Variants in CCNP observed in about 807,000 individuals in gnomAD.
CCNP encodes the protein cyclin-P.
A neutral mutation model predicts 19.6 loss-of-function variants in CCNP; 18 were observed. The ratio of observed to expected loss-of-function variants is 0.92; its 90% confidence interval spans 0.64 to 1.36. The LOEUF (loss-of-function observed/expected upper bound fraction) is 1.36, where lower values mean the gene tolerates loss of function less well. Among genes scored for constraint, CCNP ranks in the 40% most tolerant of loss-of-function variants. The pLI is 0.00. For synonymous variants in CCNP, 228 were observed against 194.9 expected, an observed-to-expected ratio of 1.17 and a Z score of -1.41; for missense variants, 440 against 424.4, an observed-to-expected ratio of 1.04 and a Z score of -0.32.
rs1395747331 is a variant in CCNP at position 40,223,477 on chromosome 19, T to C, written c.583A>G (p.Ile195Val). 6.2e-7 allele frequency: 1 copy of C among 1,611,192 alleles called. No individual in the cohort carries two copies. Among genetic ancestry groups the C allele is most frequent in the Non-Finnish European group, 8.5e-7 (1 of 1,178,278 alleles). ...RAELLRAERR[I>V]LSRLDFRLHH... ...AGCCGGAAATCCAGGCGGCTCAGGA[T>C]GCGACGCTCGGCGCGCAGCAGCTCC... The change falls in exon 4 of 5, where the codon ATC becomes GTC. Residue 195 changes from isoleucine to valine, a missense_variant. Physicochemically the swap from Ile to Val is conservative, Grantham distance 29 (BLOSUM62 3). Transcript: ENST00000430325.
At chr19:40,224,362 G>A in intron 3 of CCNP, 126 bp downstream of exon 3, 1 of 1,059,834 alleles carries the variant, frequency 9.4e-7, no homozygotes. Context: ...GGGACACATT[G>A]ACAGCCCCTC....
intron 1 of CCNP, 23 bp downstream of exon 1, chr19:40,226,352 G>T: frequency 6.2e-7 from 1 of 1,600,606 alleles, no homozygotes; most frequent in South Asian, 1.1e-5. Context: ...GCCCTCACCA[G>T]GGCAGGCGGC....
In CCNP at chr19:40,222,765, C is replaced by A; in HGVS notation, c.*287G>T. On this transcript the variant is annotated 3_prime_UTR_variant, in exon 5 of 5. Transcript: ENST00000430325. ...GCAGCCATCCTCTCTATGCTGGGTG[C>A]ACAGGCTGAGGGAAACCATGGTTCG... 2.3e-6 allele frequency: 1 copy of A among 434,154 alleles called. No homozygotes were observed. The allele number at this position is 434,154 out of a possible 1,614,324, so 26.9% of individuals were successfully genotyped here.
chr19:40,223,122 C>G lies in CCNP; in HGVS notation c.854G>C (p.Gly285Ala), dbSNP rs572590261. The G allele has an allele frequency of 6.4e-7, 1 of 1,551,364 alleles. No homozygotes were observed. Among genetic ancestry groups the G allele is most frequent in the East Asian group, 2.4e-5 (1 of 40,906 alleles). The change falls in exon 5 of 5, where the codon GGT (glycine) becomes GCT (alanine). Residue 285 changes from glycine to alanine, a missense_variant. Physicochemically the swap from Gly to Ala is moderately conservative, Grantham distance 60. Transcript: ENST00000430325. ...RCSLGGGSVW[G>A]HRSFRDLPSW... Reference sequence around the variant, plus strand: ...AGGTAAGTCCCTGAAGCTGCGGTGACCCCATACACTTCCTCCGCCAAGACT... The same window carrying G: ...AGGTAAGTCCCTGAAGCTGCGGTGAGCCCATACACTTCCTCCGCCAAGACT...
intron 1 of CCNP, 176 bp from the exon 2 acceptor site, chr19:40,224,987 C>T (rs1254534046): frequency 6.6e-6 from 4 of 607,080 alleles, no homozygotes; most frequent in Non-Finnish European, 1.2e-5. Context: ...CTCTGGGCTT[C>T]GTTCCAGATG....
At position 40,223,499 on chromosome 19, in the gene CCNP, C is replaced by T. The variant is rs1338721356; in HGVS notation, c.561G>A (p.Glu187=). The change falls in exon 4 of 5, where the codon GAG becomes GAA. Residue 187 remains glutamate, a synonymous_variant. Coordinates refer to ENST00000430325, the MANE Select transcript of CCNP (RefSeq NM_024877.4). The part of the protein sequence containing the change: ...LLSADSFSRA[E]LLRAERRILS... ...GGATGCGACGCTCGGCGCGCAGCAG[C>T]TCCGCCCGTGAGAAGGAGTCCGCGC... is the stretch of plus-strand genomic sequence containing the variant. 1 of 1,609,520 alleles carries T rather than the reference C, an allele frequency of 6.2e-7. No homozygotes were observed. The highest frequency in any genetic ancestry group is 8.5e-7 in the Non-Finnish European group (1 of 1,176,898).
chr19:40,224,669 G>A, intron 2 of CCNP, 26 bp from the exon 3 acceptor site: 1 of 1,613,940 alleles, frequency 6.2e-7, no homozygotes, highest in Non-Finnish European at 8.5e-7. Context: ...GGTGACCACG[G>A]GGTCCTGGGC....
intron 3 of CCNP, 88 bp downstream of exon 3, chr19:40,224,400 C>G: frequency 6.8e-7 from 1 of 1,461,700 alleles, no homozygotes; most frequent in Non-Finnish European, 9.4e-7. Flanking sequence ...ATCCCAGACT[C>G]AGCACGGTGC....
At position 40,222,255 on chromosome 19, in the gene CCNP, T is replaced by C. The variant is rs1973454849; in HGVS notation, c.*797A>G. The C allele has an allele frequency of 2.5e-6, 1 of 398,556 alleles. No individual in the cohort carries two copies. 24.7% of individuals were successfully genotyped at this position (398,556 alleles called of 1,614,324 possible). On this transcript the variant is annotated 3_prime_UTR_variant, in exon 5 of 5. Coordinates refer to ENST00000430325, the MANE Select transcript of CCNP (RefSeq NM_024877.4). ...ATTGAGATGAGAGACGGACACACAC[T>C]GGGAGGGTTTTGTTTTTTGTTGTTG...
Position 40,223,546 on chromosome 19 carries a change from G to C in CCNP, c.514C>G (p.Pro172Ala). The change falls in exon 4 of 5, where the codon CCC (proline) becomes GCC (alanine). Residue 172 changes from proline (P) to alanine (A), a missense_variant and splice_region_variant. Transcript: ENST00000430325. ...CKMEECVLPE[P>A]AFLCLLSADS... is the part of the protein sequence containing the mutation. ...GCGCTCAGGAGGCAGAGGAAGGCGG[G>C]CTGCAGATGGGGGATGCGGGGGGAG... The C allele has an allele frequency of 6.3e-7, 1 of 1,597,726 alleles. No homozygotes were observed. The highest frequency in any genetic ancestry group is 8.6e-7 in the Non-Finnish European group (1 of 1,169,070).
chr19:40,223,585 G>C (rs1251626932), intron 3 of CCNP, 39 bp from the exon 4 acceptor site: 2 of 1,600,558 alleles, frequency 1.2e-6, no homozygotes. Flanking sequence ...AAGGAGTCTT[G>C]GATCCGGGCT....
In CCNP at chr19:40,225,971, G is replaced by A. The variant is rs192508922; in HGVS notation, c.267+404C>T. On this transcript the variant is annotated intron_variant, in intron 1 of 4. Transcript: ENST00000430325. ...CTCATAGGGATATCTGAAGGCTGGC[G>A]AGGCCAATGTTTTGGTTTGCGTGGC... is the stretch of plus-strand genomic sequence containing the variant. Among the ~76,000 whole-genome samples the A allele has an allele frequency of 4.6e-5, 7 of 152,252 alleles. No individual in the cohort carries two copies. The East Asian group carries it at 7.7e-4, about 17-fold the overall frequency.
In CCNP at chr19:40,225,081, A is replaced by C. The variant is rs1973521791; in HGVS notation, c.268-270T>G. 3 of 451,462 alleles carry C rather than the reference A, an allele frequency of 6.6e-6. No individual in the cohort carries two copies. The African/African-American group carries it at 7.8e-5, about 12-fold the overall frequency. 28.0% of individuals were successfully genotyped at this position (451,462 alleles called of 1,614,324 possible). ...ACTTCACTTTTTTTTTTTTTTTTTG[A>C]GACAAAGTCACTCTGTTGCCCAGGC... On this transcript the variant is annotated intron_variant, in intron 1 of 4. Transcript: ENST00000430325.
In CCNP at chr19:40,222,971, C is replaced by A. The variant is rs1035729668; in HGVS notation, c.*81G>T. On this transcript the variant is annotated 3_prime_UTR_variant, in exon 5 of 5. Coordinates refer to ENST00000430325, the MANE Select transcript of CCNP (RefSeq NM_024877.4). ...TCCACTCTGGGGCAAGGTTAAGAGACCCCAGATCTGGACTAATGGGGTCCT... is the reference window on the plus strand; with the variant it reads ...TCCACTCTGGGGCAAGGTTAAGAGAACCCAGATCTGGACTAATGGGGTCCT... 7 of 794,366 alleles carry A rather than the reference C, an allele frequency of 8.8e-6. No homozygotes were observed. Among genetic ancestry groups the A allele is most frequent in the Non-Finnish European group, 1.4e-5 (7 of 498,686 alleles). The allele number at this position is 794,366 out of a possible 1,614,324, so 49.2% of individuals were successfully genotyped here. A position where few individuals can be genotyped will look rare whatever the true frequency, so the allele number is the denominator to read the frequency against.
Position 40,223,227 on chromosome 19 carries a change from C to T in CCNP, c.749G>A (p.Arg250His). 1.9e-6 allele frequency: 3 copies of T among 1,548,718 alleles called. No homozygotes were observed. The highest frequency in any genetic ancestry group is 2.4e-5 in the East Asian group (1 of 40,842). Reference protein sequence around the residue: ...AEAAGWEPGRRAAAALSLAHR... With the variant: ...AEAAGWEPGRHAAAALSLAHR... Reference sequence around the variant, plus strand: ...CGCCAGGCTCAGAGCCGCAGCCGCACGACGACCCGGCTCCCATCCCGCCGC... The same window carrying T: ...CGCCAGGCTCAGAGCCGCAGCCGCATGACGACCCGGCTCCCATCCCGCCGC... The change falls in exon 5 of 5, where the codon CGT becomes CAT. Residue 250 changes from arginine to histidine, a missense_variant. Transcript: ENST00000430325.
chr19:40,224,478 C>A lies in CCNP; in HGVS notation c.513+10G>T. 1 of 1,613,586 alleles carries A rather than the reference C, an allele frequency of 6.2e-7. No homozygotes were observed. Among genetic ancestry groups the A allele is most frequent in the Non-Finnish European group, 8.5e-7 (1 of 1,179,662 alleles). On this transcript the variant is annotated intron_variant, in intron 3 of 4. Transcript: ENST00000430325. The stretch of plus-strand genomic sequence containing the variant: ...TCCATCCACCCTCCCAAACCCCACC[C>A]CGGAAGTACCTCGGGAAGCACGCAC...
At chr19:40,226,313 G>T in intron 1 of CCNP, 62 bp downstream of exon 1, 3 of 1,470,742 alleles carry the variant, frequency 2.0e-6, no homozygotes, top group South Asian at 1.2e-5. Flanking sequence ...GAGTGGTGTT[G>T]AGTGGGTGCC....
intron 1 of CCNP, chr19:40,225,036 G>T (rs964259360): frequency 5.6e-6 from 3 of 535,684 alleles, no homozygotes; most frequent in Non-Finnish European, 9.7e-6. Context: ...ACTCCTGGGC[G>T]TCTCCCTCTA....
At chr19:40,224,388 G>A in intron 3 of CCNP, 100 bp downstream of exon 3, 1 of 1,347,630 alleles carries the variant, frequency 7.4e-7, no homozygotes, top group Non-Finnish European at 1.0e-6. Context: ...TACATGTTGG[G>A]AATCCCAGAC....
Sources: gnomAD v4.1 joint callset for allele counts (sites outside exome capture counted in the v4.1 genomes callset) on GRCh38, gnomAD v4.1.1 for gene constraint, MANE v1.5 for transcripts, NCBI Gene and HGNC (gene_info 2026-07-23, HGNC 2026-07-21) for gene names.